The following OPCML variants were observed in gnomAD, a reference collection of about 807,000 sequenced individuals.
The protein encoded by OPCML is opioid-binding protein/cell adhesion molecule.
A neutral mutation model predicts 37.8 loss-of-function variants in OPCML; 13 were observed. The observed-to-expected ratio is 0.34, with a 90% CI of 0.22 to 0.55. The LOEUF (loss-of-function observed/expected upper bound fraction) is 0.55, where lower values mean the gene tolerates loss of function less well. Ranked by LOEUF, OPCML falls within the 20% of genes least tolerant of loss-of-function variation. The pLI, the probability that OPCML is intolerant of heterozygous loss-of-function variation, is 0.91. For synonymous variants in OPCML, 176 were observed against 168.8 expected, an observed-to-expected ratio of 1.04 and a Z score of -0.33; for missense variants, 341 against 435.6, an observed-to-expected ratio of 0.78 and a Z score of 1.93.
At chr11:132,584,059 A>T (rs1228308274) in intron 3 of OPCML, among the ~76,000 whole-genome samples, 1 of 152,198 alleles carries the variant, frequency 6.6e-6, no homozygotes, top group Non-Finnish European at 1.5e-5. Context: ...CAAAAAAAGT[A>T]ACTTGACAAT....
At chr11:132,625,081 G>C (rs997450840) in intron 3 of OPCML, among the ~76,000 whole-genome samples, 5 of 152,034 alleles carry the variant, frequency 3.3e-5, no homozygotes, top group African/African-American at 4.8e-5. Context: ...CTATTATTTT[G>C]AATGGATGGA....
At chr11:132,932,710 T>TAC (rs1945250386) in intron 2 of OPCML, among the ~76,000 whole-genome samples, 1 of 144,196 alleles carries the variant, frequency 6.9e-6, no homozygotes, top group Non-Finnish European at 1.5e-5. Flanking sequence ...TATATATATA[T>TAC]ATACAAATGC....
intron 1 of OPCML, among the ~76,000 whole-genome samples, chr11:132,988,217 G>A (rs1023487444): frequency 2.0e-5 from 3 of 152,144 alleles, no homozygotes; most frequent in African/African-American, 2.4e-5. Flanking sequence ...TTGACTCACT[G>A]GTCAAGGCTG....
At chr11:132,961,108 G>A (rs558539585) in intron 1 of OPCML, among the ~76,000 whole-genome samples, 3 of 152,248 alleles carry the variant, frequency 2.0e-5, no homozygotes, top group African/African-American at 4.8e-5. Flanking sequence ...CATCCTCATC[G>A]TAATTAACGG....
intron 2 of OPCML, among the ~76,000 whole-genome samples, chr11:132,934,859 G>T (rs1945319878): frequency 6.6e-6 from 1 of 152,058 alleles, no homozygotes; most frequent in African/African-American, 2.4e-5. Flanking sequence ...TACAAAAGCG[G>T]CTGGGTGCAG....
intron 1 of OPCML, among the ~76,000 whole-genome samples, chr11:133,230,249 C>T (rs116261615): frequency 1.3e-5 from 2 of 152,192 alleles, no homozygotes; most frequent in Admixed American, 6.5e-5. Flanking sequence ...GGGGAACACT[C>T]ATCTTGGCTC....
At chr11:133,431,476 T>C (rs1346836068) in intron 1 of OPCML, among the ~76,000 whole-genome samples, 2 of 152,158 alleles carry the variant, frequency 1.3e-5, no homozygotes, top group African/African-American at 4.8e-5. Flanking sequence ...TTTGTTTGTT[T>C]GTTTTCGACG....
chr11:132,890,834 G>A (rs1469681209), intron 2 of OPCML, among the ~76,000 whole-genome samples: 2 of 143,964 alleles, frequency 1.4e-5, no homozygotes, highest in Non-Finnish European at 3.0e-5. Context: ...TCCAGCTTGG[G>A]TGACAGAGCG....
chr11:133,514,178 C>A (rs1431093249), intron 1 of OPCML, among the ~76,000 whole-genome samples: 1 of 152,192 alleles, frequency 6.6e-6, no homozygotes, highest in Non-Finnish European at 1.5e-5. Context: ...TCAGTGTTTG[C>A]AGTAGGGATC....
intron 1 of OPCML, among the ~76,000 whole-genome samples, chr11:133,305,417 C>T (rs1430644796): frequency 6.6e-6 from 1 of 152,156 alleles, no homozygotes; most frequent in Admixed American, 6.5e-5. Flanking sequence ...TTCCCTTCAG[C>T]TAAGAACACA....
intron 1 of OPCML, among the ~76,000 whole-genome samples, chr11:132,954,009 T>A (rs1195891800): frequency 5.9e-5 from 9 of 152,248 alleles, no homozygotes; most frequent in Admixed American, 5.9e-4. Flanking sequence ...CTAGAACTTG[T>A]GTTTTGTATA....
At chr11:133,025,946 C>A (rs990124234) in intron 1 of OPCML, 1 of 357,890 alleles carries the variant, frequency 2.8e-6, no homozygotes, top group African/African-American at 2.2e-5. Context: ...TGTTGGCCAG[C>A]GTGGTCTCGA....
chr11:133,516,438 G>C (rs1401848606), intron 1 of OPCML, among the ~76,000 whole-genome samples: 2 of 152,110 alleles, frequency 1.3e-5, no homozygotes, highest in African/African-American at 4.8e-5. Flanking sequence ...CACCACCGCC[G>C]CCGGGGCTGG....
intron 1 of OPCML, among the ~76,000 whole-genome samples, chr11:133,427,383 C>A (rs58085201): frequency 0.17 from 22,027 of 126,776 alleles, 1,777 homozygotes; most frequent in Admixed American, 0.21. Context: ...CAAAGGCAAA[C>A]TGAAATAGAA....
intron 2 of OPCML, among the ~76,000 whole-genome samples, chr11:132,942,096 C>T (rs982905084): frequency 6.6e-6 from 1 of 152,168 alleles, no homozygotes; most frequent in Admixed American, 6.5e-5. Context: ...AGGACCAGAA[C>T]TGCCTCATTA....
At chr11:132,754,601 A>G (rs975860329) in intron 2 of OPCML, among the ~76,000 whole-genome samples, 1 of 152,168 alleles carries the variant, frequency 6.6e-6, no homozygotes, top group Non-Finnish European at 1.5e-5. Flanking sequence ...GAAACAGCCT[A>G]AAGAAGTAGG....
At chr11:133,229,835 T>G (rs1940199759) in intron 1 of OPCML, among the ~76,000 whole-genome samples, 1 of 152,234 alleles carries the variant, frequency 6.6e-6, no homozygotes, top group African/African-American at 2.4e-5. Context: ...TTCCCAGACC[T>G]GTCCAAAGCC....
At position 133,337,655 on chromosome 11, in the gene OPCML, C is replaced by T. The variant is rs74989658; in HGVS notation, c.61+194609G>A. 2.3e-3 allele frequency among the ~76,000 whole-genome samples: 352 copies of T among 152,242 alleles called. 2 individuals are homozygous for T. The highest frequency in any genetic ancestry group is 7.9e-3 in the African/African-American group (327 of 41,548). Reference sequence around the variant, plus strand: ...CTATCAATTCTCACTCCTTACCTCACCAGGGCACTTTTACAGCAGACTTCA... The same window carrying T: ...CTATCAATTCTCACTCCTTACCTCATCAGGGCACTTTTACAGCAGACTTCA... On this transcript the variant is annotated intron_variant, in intron 1 of 7. Transcript: ENST00000524381.
chr11:132,775,346 C>T (rs755835300), intron 2 of OPCML, among the ~76,000 whole-genome samples: 7 of 152,200 alleles, frequency 4.6e-5, no homozygotes, highest in Non-Finnish European at 1.0e-4. Flanking sequence ...AGGTATATCA[C>T]TCCCAGAATT....
Sources: gnomAD v4.1 joint callset for allele counts (sites outside exome capture counted in the v4.1 genomes callset) on GRCh38, gnomAD v4.1.1 for gene constraint, MANE v1.5 for transcripts, NCBI Gene and HGNC (gene_info 2026-07-23, HGNC 2026-07-21) for gene names.